Variants in NHS observed in about 807,000 individuals in gnomAD.
NHS encodes the protein NHS actin remodeling regulator.
A neutral mutation model predicts 72.5 loss-of-function variants in NHS; 5 were observed. The ratio of observed to expected loss-of-function variants is 0.07; its 90% confidence interval spans 0.04 to 0.14. NHS has a LOEUF of 0.14. Among genes scored for constraint, NHS ranks in the 10% least tolerant of loss-of-function variants. NHS has a pLI of 1.00. For missense variants in NHS, 1,072 were observed against 1,355.7 expected, an observed-to-expected ratio of 0.79 and a Z score of 3.29; for synonymous variants, 464 against 547.7, an observed-to-expected ratio of 0.85 and a Z score of 2.13.
At chrX:17,533,043 C>T (rs760920833) in intron 1 of NHS, among the ~76,000 whole-genome samples, 3 of 111,735 alleles carry the variant, frequency 2.7e-5, no homozygotes, top group Non-Finnish European at 5.6e-5. Context: ...CAAAGACCTA[C>T]GTGGATTTTT....
intron 1 of NHS, among the ~76,000 whole-genome samples, chrX:17,450,811 G>T (rs1322268713): frequency 8.9e-6 from 1 of 111,850 alleles, no homozygotes; most frequent in African/African-American, 3.3e-5. Context: ...GGGAGGCAGA[G>T]GTTGCAGTGA....
intron 5 of NHS, among the ~76,000 whole-genome samples, chrX:17,723,782 C>T (rs1171728312): frequency 1.4e-4 from 12 of 85,665 alleles, no homozygotes; most frequent in Admixed American, 2.6e-4. Context: ...CGCGCGCGTG[C>T]GCGCATGGGG....
At position 17,735,342 on chromosome X, in the gene NHS, GTAC is replaced by G. The variant is rs1264213733; in HGVS notation, c.*2879_*2881del. ...AACATCACTGCCGTCTTGAAGCAGG[GTAC>G]ACACGTTAGGTATTGTGAAGAACAT... On this transcript the variant is annotated 3_prime_UTR_variant, in exon 9 of 9. Coordinates refer to ENST00000676302, the MANE Select transcript of NHS (RefSeq NM_001291867.2). The G allele has an allele frequency of 8.8e-6, 1 of 113,086 alleles. No individual in the cohort carries two copies. The highest frequency in any genetic ancestry group is 1.9e-5 in the Non-Finnish European group (1 of 53,374). The allele number at this position is 113,086 out of a possible 1,213,427, so 9.3% of individuals were successfully genotyped here.
chrX:17,716,960 C>CTTTT (rs199717924), intron 3 of NHS, among the ~76,000 whole-genome samples: 1 of 103,149 alleles, frequency 9.7e-6, no homozygotes, highest in Non-Finnish European at 2.0e-5. Context: ...ATTCCCCTTA[C>CTTTT]TCTTTTTTTT....
At chrX:17,447,909 A>G (rs751549564) in intron 1 of NHS, among the ~76,000 whole-genome samples, 7 of 111,204 alleles carry the variant, frequency 6.3e-5, no homozygotes, top group African/African-American at 1.6e-4. Context: ...AAGTATAACT[A>G]TTTTTGCTTA....
At chrX:17,560,895 C>T (rs1819008199) in intron 1 of NHS, among the ~76,000 whole-genome samples, 2 of 112,566 alleles carry the variant, frequency 1.8e-5, no homozygotes, top group Admixed American at 1.9e-4. Flanking sequence ...ACCCAAAGGC[C>T]CTTTTCTCCA....
chrX:17,717,682 G>A lies in NHS; in HGVS notation c.853-1662G>A, dbSNP rs1021837751. Among the ~76,000 whole-genome samples, 10 of 112,104 alleles carry A rather than the reference G, an allele frequency of 8.9e-5. No homozygotes were observed. The Admixed American group carries it at 9.4e-4, about 11-fold the overall frequency. ...TCCTTTATTCAAGAATTTCAAAACA[G>A]TGACAGCACAACCTGAAACCAAGTA... On this transcript the variant is annotated intron_variant, in intron 3 of 8. Transcript: ENST00000676302.
intron 1 of NHS, among the ~76,000 whole-genome samples, chrX:17,578,840 T>A (rs2146981096): frequency 8.9e-6 from 1 of 112,123 alleles, no homozygotes; most frequent in Admixed American, 9.5e-5. Context: ...TGTTCGCTAG[T>A]ATCTTGCGGC....
intron 8 of NHS, 125 bp downstream of exon 8, chrX:17,728,900 A>G: frequency 1.1e-6 from 1 of 887,155 alleles, no homozygotes; most frequent in South Asian, 2.1e-5. Context: ...AGCAAAAACA[A>G]AAGCAAGCAA....
chrX:17,434,172 C>T lies in NHS; in HGVS notation c.565+57850C>T, dbSNP rs1165421261. Among the ~76,000 whole-genome samples the T allele has an allele frequency of 4.5e-5, 5 of 111,616 alleles. No homozygotes were observed. The East Asian group carries it at 1.4e-3, about 32-fold the overall frequency. Reference sequence around the variant, plus strand: ...GCATTTATCACTTCCATCCACATTCCACTTGGCAGCCTTAGGCCACACCTA... The same window carrying T: ...GCATTTATCACTTCCATCCACATTCTACTTGGCAGCCTTAGGCCACACCTA... On this transcript the variant is annotated intron_variant, in intron 1 of 8. Coordinates refer to ENST00000676302, the MANE Select transcript of NHS (RefSeq NM_001291867.2).
intron 1 of NHS, among the ~76,000 whole-genome samples, chrX:17,458,626 G>A (rs2064834671): frequency 9.0e-6 from 1 of 110,634 alleles, no homozygotes; most frequent in African/African-American, 3.3e-5. Flanking sequence ...CCGAGTAGCT[G>A]GGATTACAGG....
At chrX:17,606,969 G>A (rs1369332098) in intron 1 of NHS, among the ~76,000 whole-genome samples, 1 of 112,159 alleles carries the variant, frequency 8.9e-6, no homozygotes, top group Non-Finnish European at 1.9e-5. Flanking sequence ...TATGATCTTC[G>A]TTTTAAACGT....
intron 1 of NHS, among the ~76,000 whole-genome samples, chrX:17,440,258 T>TAA (rs1036618487): frequency 1.4e-3 from 53 of 37,270 alleles, no homozygotes; most frequent in African/African-American, 5.1e-3. Context: ...GACTCAGTCT[T>TAA]AAAAAAAAAA....
At chrX:17,611,791 AG>A (rs2065712748) in intron 1 of NHS, among the ~76,000 whole-genome samples, 2 of 111,397 alleles carry the variant, frequency 1.8e-5, no homozygotes, top group Non-Finnish European at 3.8e-5. Context: ...ACTATTAAGG[AG>A]GGGACCTTGT....
intron 1 of NHS, among the ~76,000 whole-genome samples, chrX:17,397,709 T>C (rs867838897): frequency 6.2e-5 from 7 of 112,472 alleles, no homozygotes; most frequent in Middle Eastern, 4.6e-3. Flanking sequence ...TCAAAGTTAT[T>C]CATGTGCTCA....
chrX:17,658,483 A>C (rs892688620), intron 1 of NHS, among the ~76,000 whole-genome samples: 9 of 111,979 alleles, frequency 8.0e-5, no homozygotes, highest in African/African-American at 2.9e-4. Flanking sequence ...TCTGTATGTC[A>C]TAACTATAAT....
At chrX:17,712,393 C>CACACATATAT (rs1301774080) in intron 3 of NHS, among the ~76,000 whole-genome samples, 1 of 81,440 alleles carries the variant, frequency 1.2e-5, no homozygotes, top group Non-Finnish European at 2.3e-5. Context: ...CACACACACA[C>CACACATATAT]ATATATATAT....
chrX:17,466,118 C>G lies in NHS; in HGVS notation c.565+89796C>G, dbSNP rs191387268. ...AGGTAATTATACATTTGGTCTGAAA[C>G]CAAATAAAGTTTTGCCCTCCTGCCC... On this transcript the variant is annotated intron_variant, in intron 1 of 8. Coordinates refer to ENST00000676302, the MANE Select transcript of NHS (RefSeq NM_001291867.2). 5.8e-4 allele frequency among the ~76,000 whole-genome samples: 66 copies of G among 113,237 alleles called. 1 individual carries two copies. In the East Asian group the frequency reaches 0.016, roughly 28 times the overall value.
intron 5 of NHS, among the ~76,000 whole-genome samples, chrX:17,723,289 T>C (rs192021531): frequency 8.9e-6 from 1 of 111,896 alleles, no homozygotes; most frequent in Non-Finnish European, 1.9e-5. Context: ...TCAGGATAAA[T>C]GATGAGGTGA....
Sources: gnomAD v4.1 joint callset for allele counts (sites outside exome capture counted in the v4.1 genomes callset) on GRCh38, gnomAD v4.1.1 for gene constraint, MANE v1.5 for transcripts, NCBI Gene and HGNC (gene_info 2026-07-23, HGNC 2026-07-21) for gene names.